CCDC91: variants seen among roughly 807,000 people sequenced by gnomAD.
CCDC91 encodes the protein coiled-coil domain-containing protein 91.
CCDC91 carries 48 observed loss-of-function variants against 63.2 expected under a neutral mutation model. The ratio of observed to expected loss-of-function variants is 0.76; its 90% CI spans 0.60 to 0.97. CCDC91 has a LOEUF of 0.97. CCDC91 is among the 50% of genes least tolerant of loss of function. CCDC91 has a pLI of 0.00. For missense variants in CCDC91, 500 were observed against 494.6 expected (o/e 1.01, Z -0.10); for synonymous variants, 167 against 165.8 (o/e 1.01, Z -0.06).
At chr12:28,326,586 T>C (rs1255070973) in intron 6 of CCDC91, among the ~76,000 whole-genome samples, 4 of 131,326 alleles carry the variant, frequency 3.0e-5, no homozygotes, top group African/African-American at 1.2e-4. Flanking sequence ...GAGTGTGATG[T>C]TTCCCTTCCT....
chr12:28,415,229 T>C (rs1242990636), intron 8 of CCDC91, among the ~76,000 whole-genome samples: 1 of 52,568 alleles, frequency 1.9e-5, no homozygotes, highest in East Asian at 5.1e-4. Flanking sequence ...TAAAGCGGAT[T>C]TTTTTTTTTT....
chr12:28,208,502 A>C (rs1018658964), intron 1 of CCDC91, among the ~76,000 whole-genome samples: 4 of 152,190 alleles, frequency 2.6e-5, no homozygotes, highest in African/African-American at 9.7e-5. Context: ...CCTGTCTCTT[A>C]AATGCTTCAG....
intron 12 of CCDC91, among the ~76,000 whole-genome samples, chr12:28,497,364 T>G (rs901522802): frequency 1.3e-5 from 2 of 151,580 alleles, no homozygotes; most frequent in African/African-American, 4.8e-5. Context: ...GTCACACATG[T>G]TAAGCTTGAA....
intron 12 of CCDC91, among the ~76,000 whole-genome samples, chr12:28,531,470 A>G (rs1454656236): frequency 6.6e-6 from 1 of 152,146 alleles, no homozygotes; most frequent in Non-Finnish European, 1.5e-5. Flanking sequence ...GCAACCTGCT[A>G]TCTATTATTT....
chr12:28,533,931 A>T (rs1261096343), intron 12 of CCDC91, among the ~76,000 whole-genome samples: 1 of 151,752 alleles, frequency 6.6e-6, no homozygotes, highest in Non-Finnish European at 1.5e-5. Context: ...TTGTTCATTA[A>T]TTTTTTCTTA....
At chr12:28,509,741 G>A (rs1362953177) in intron 12 of CCDC91, among the ~76,000 whole-genome samples, 1 of 151,838 alleles carries the variant, frequency 6.6e-6, no homozygotes, top group Non-Finnish European at 1.5e-5. Context: ...GCTCTTCAGC[G>A]CTGATGATTA....
At chr12:28,246,349 T>C (rs1395653500) in intron 1 of CCDC91, among the ~76,000 whole-genome samples, 1 of 152,182 alleles carries the variant, frequency 6.6e-6, no homozygotes, top group Admixed American at 6.5e-5. Context: ...TTGTCAACAC[T>C]GATTTTACCG....
At chr12:28,452,409 C>G in intron 10 of CCDC91, 69 bp from the exon 11 acceptor site, 1 of 1,103,018 alleles carries the variant, frequency 9.1e-7, no homozygotes, top group South Asian at 1.5e-5. Flanking sequence ...TTTAGGTTAA[C>G]CAAGTCTGTT....
At chr12:28,504,204 G>C (rs12303682) in intron 12 of CCDC91, among the ~76,000 whole-genome samples, 16,705 of 151,480 alleles carry the variant, frequency 0.11, 2,462 homozygotes, top group African/African-American at 0.34. Context: ...AATGAAATTT[G>C]TAATCAATCT....
intron 1 of CCDC91, among the ~76,000 whole-genome samples, chr12:28,247,326 A>G (rs899874275): frequency 1.3e-5 from 2 of 151,994 alleles, no homozygotes; most frequent in Non-Finnish European, 2.9e-5. Flanking sequence ...TAAAAATACA[A>G]AAAATTAGCT....
intron 6 of CCDC91, among the ~76,000 whole-genome samples, chr12:28,351,415 T>G (rs1042402080): frequency 8.5e-5 from 13 of 152,242 alleles, no homozygotes; most frequent in African/African-American, 2.9e-4. Context: ...CTCTATGGCT[T>G]GATGCTTTGC....
At chr12:28,432,047 G>C (rs1948655882) in intron 8 of CCDC91, among the ~76,000 whole-genome samples, 1 of 151,412 alleles carries the variant, frequency 6.6e-6, no homozygotes, top group African/African-American at 2.4e-5. Flanking sequence ...TTTCTCTGTG[G>C]CTTGATAGAT....
At chr12:28,307,798 A>T in intron 6 of CCDC91, 49 bp downstream of exon 6, 1 of 943,288 alleles carries the variant, frequency 1.1e-6, no homozygotes, top group Non-Finnish European at 1.7e-6. Flanking sequence ...TTGATGAAGC[A>T]TGTGCTATAA....
At chr12:28,460,187 G>C (rs1950236890) in intron 11 of CCDC91, among the ~76,000 whole-genome samples, 1 of 152,068 alleles carries the variant, frequency 6.6e-6, no homozygotes, top group South Asian at 2.1e-4. Flanking sequence ...CATATATGTA[G>C]AGCTTTTGAG....
intron 12 of CCDC91, among the ~76,000 whole-genome samples, chr12:28,515,225 G>T (rs1314865029): frequency 2.6e-5 from 4 of 151,714 alleles, no homozygotes. Flanking sequence ...GGGGACTTCG[G>T]CAGGGAAAAA....
At chr12:28,225,966 G>T (rs1205233093) in intron 1 of CCDC91, 2 of 152,242 alleles carry the variant, frequency 1.3e-5, no homozygotes, top group African/African-American at 4.8e-5. Flanking sequence ...CTTCCAGCCT[G>T]TTGGTGAAGC....
chr12:28,521,713 C>T (rs1314817994), intron 12 of CCDC91, among the ~76,000 whole-genome samples: 1 of 152,122 alleles, frequency 6.6e-6, no homozygotes, highest in East Asian at 1.9e-4. Flanking sequence ...GTGGGTTTGT[C>T]ATAAATAGTT....
chr12:28,496,919 G>GAT (rs1952317962), intron 12 of CCDC91, among the ~76,000 whole-genome samples: 1 of 141,454 alleles, frequency 7.1e-6, no homozygotes, highest in African/African-American at 2.6e-5. Context: ...ACATATATAA[G>GAT]GTATATATAT....
intron 3 of CCDC91, among the ~76,000 whole-genome samples, chr12:28,275,153 AC>A (rs1010212285): frequency 2.6e-4 from 39 of 152,242 alleles, no homozygotes; most frequent in African/African-American, 9.4e-4. Context: ...GACACAAAAA[AC>A]CCTTCAAAAA....
Sources: allele counts gnomAD v4.1 joint callset (sites outside exome capture counted in the v4.1 genomes callset), GRCh38; gene constraint gnomAD v4.1.1; transcripts MANE v1.5; gene names NCBI Gene and HGNC (gene_info 2026-07-23, HGNC 2026-07-21).